Variants in FOXRED1 observed in about 807,000 individuals in gnomAD.
FOXRED1 encodes FAD dependent oxidoreductase domain containing 1.
In FOXRED1, 52 loss-of-function variants were observed where a neutral mutation model predicts 57.8. The observed-to-expected ratio is 0.90, with a 90% CI of 0.72 to 1.13. FOXRED1 has a LOEUF of 1.13. FOXRED1 is among the 50% of genes most tolerant of loss of function. The pLI is 0.00. For missense variants in FOXRED1, 589 were observed against 625.2 expected (o/e 0.94, Z 0.62); for synonymous variants, 271 against 248.3 (o/e 1.09, Z -0.86).
In FOXRED1 at chr11:126,275,367, C is replaced by T; in HGVS notation, c.672C>T (p.Leu224=). ...GTTGGTTTGACCCCTGGTGTCTGCTCCAGGGGCTTCGGCGAAAGGTCCAGT... is the reference window on the plus strand; with the variant it reads ...GTTGGTTTGACCCCTGGTGTCTGCTTCAGGGGCTTCGGCGAAAGGTCCAGT... ...DEGWFDPWCL[L]QGLRRKVQSL... is the part of the protein sequence containing the mutation. Residue 224 remains leucine (L), a synonymous_variant, in exon 6 of 11, where the codon CTC becomes CTT. Transcript: ENST00000263578. This position sits in a 1 kb window ranked among gnomAD's most constrained non-coding sequence, Gnocchi z 5.9. The T allele has an allele frequency of 1.9e-6, 3 of 1,613,980 alleles. No individual in the cohort carries two copies. Among genetic ancestry groups the T allele is most frequent in the Non-Finnish European group, 2.5e-6 (3 of 1,179,924 alleles).
rs1398488660 is a variant in FOXRED1, at chr11:126,275,488, TCTCA to T, written c.733+66_733+69del. 8.2e-7 allele frequency: 1 copy of T among 1,216,132 alleles called. No homozygotes were observed. The highest frequency in any genetic ancestry group is 1.2e-6 in the Non-Finnish European group (1 of 817,122). 75.3% of individuals were successfully genotyped at this position (1,216,132 alleles called of 1,614,324 possible). ...CATAGGCCTAGACTAGGTCTTATCT[TCTCA>T]CTCACAAGCTAAGCAAGGGCTGGAG... is the stretch of plus-strand genomic sequence containing the variant. On this transcript the variant is annotated intron_variant, in intron 6 of 10. Transcript: ENST00000263578. This position sits in a 1 kb window ranked among gnomAD's most constrained non-coding sequence, Gnocchi z 5.9.
chr11:126,273,121 C>A lies in FOXRED1; in HGVS notation c.417+42C>A, dbSNP rs774342140. The A allele has an allele frequency of 1.2e-5, 15 of 1,205,256 alleles. No individual in the cohort carries two copies. The highest frequency in any genetic ancestry group is 1.5e-5 in the African/African-American group (1 of 67,116). 74.7% of individuals were successfully genotyped at this position (1,205,256 alleles called of 1,614,324 possible). A position where few individuals can be genotyped will look rare whatever the true frequency, so the allele number is the denominator to read the frequency against. Reference sequence around the variant, plus strand: ...CCGGGATGTTGGGGTGGTTACCCCTCCTTTAGCCCAGAGTGGGGAGCAGCC... The same window carrying A: ...CCGGGATGTTGGGGTGGTTACCCCTACTTTAGCCCAGAGTGGGGAGCAGCC... On this transcript the variant is annotated intron_variant, in intron 3 of 10. Transcript: ENST00000263578. This position sits in a 1 kb window ranked among gnomAD's most constrained non-coding sequence, Gnocchi z 5.9.
Position 126,269,198 on chromosome 11 carries a change from A to G in FOXRED1, c.-9A>G, listed in dbSNP as rs368336673. The G allele has an allele frequency of 5.0e-6, 8 of 1,607,730 alleles. No individual in the cohort carries two copies. In the African/African-American group the frequency reaches 9.4e-5, roughly 19 times the overall value. On this transcript the variant is annotated 5_prime_UTR_variant, in exon 1 of 11. Transcript: ENST00000263578. ...TGCAGCTTTCAGAGGGTCCGGGCTC[A>G]GAGGGGTTATGATTCGGAGGGTTCT...
chr11:126,270,254 A>G (rs1264242331), intron 1 of FOXRED1, among the ~76,000 whole-genome samples: 1 of 152,236 alleles, frequency 6.6e-6, no homozygotes, highest in African/African-American at 2.4e-5. Flanking sequence ...TGGACAGGTA[A>G]GCTAAGGCCA....
At position 126,272,980 on chromosome 11, in the gene FOXRED1, C is replaced by T. The variant is rs1951030849; in HGVS notation, c.318C>T (p.Ala106=). The change falls in exon 3 of 11, where the codon GCC becomes GCT. Residue 106 remains alanine, a synonymous_variant. Coordinates refer to ENST00000263578, the MANE Select transcript of FOXRED1 (RefSeq NM_017547.4). This position sits in a 1 kb window ranked among gnomAD's most constrained non-coding sequence, Gnocchi z 4.6. ...TTGTCTTTCCACAGTATTCACAGGC[C>T]TCCACTGGGCTCTCAGTAGGTGGGA... ...VVERDHTYSQ[A]STGLSVGGIC... 1 of 1,567,090 alleles carries T rather than the reference C, an allele frequency of 6.4e-7. No homozygotes were observed. The highest frequency in any genetic ancestry group is 8.8e-7 in the Non-Finnish European group (1 of 1,136,930).
intron 1 of FOXRED1, chr11:126,269,553 G>GC: frequency 1.5e-6 from 1 of 669,088 alleles, no homozygotes; most frequent in Non-Finnish European, 2.7e-6. Context: ...GCACAGATGT[G>GC]CATTAAGTCC....
rs1303679598 is a variant in FOXRED1 at position 126,277,674 on chromosome 11, GAAC to G, written c.1451_1453del (p.Asn484del). 1.9e-6 allele frequency: 3 copies of G among 1,613,614 alleles called. No homozygotes were observed. In the East Asian group the frequency reaches 6.7e-5, roughly 36 times the overall value. ...TTTACTTGGGAGAGAAGATCCAGGA[GAAC>G]AACATCATCTGAGCATGTGTGCTCT... On this transcript the variant is annotated inframe_deletion, in exon 11 of 11. Coordinates refer to ENST00000263578, the MANE Select transcript of FOXRED1 (RefSeq NM_017547.4). The surrounding 1 kb of genome is among the most constrained non-coding windows in gnomAD (Gnocchi z 6.8).
rs771818339 is a variant in FOXRED1, at chr11:126,269,184, G to A, written c.-23G>A. ...TAGCGAGGCAGCAGTGCAGCTTTCAGAGGGTCCGGGCTCAGAGGGGTTATG... is the reference window on the plus strand; with the variant it reads ...TAGCGAGGCAGCAGTGCAGCTTTCAAAGGGTCCGGGCTCAGAGGGGTTATG... On this transcript the variant is annotated 5_prime_UTR_variant, in exon 1 of 11. Transcript: ENST00000263578. 13 of 1,582,266 alleles carry A rather than the reference G, an allele frequency of 8.2e-6. No homozygotes were observed. The highest frequency in any genetic ancestry group is 1.3e-5 in the African/African-American group (1 of 74,498).
Position 126,276,152 on chromosome 11 carries a change from G to C in FOXRED1, c.904G>C (p.Ala302Pro). The C allele has an allele frequency of 6.2e-7, 1 of 1,611,700 alleles. No individual in the cohort carries two copies. The highest frequency in any genetic ancestry group is 8.5e-7 in the Non-Finnish European group (1 of 1,179,576). ...GAWSAQIAAL[A>P]GVGEGPPGTL... ...CTGGTCTGCGCAAATCGCAGCACTG[G>C]CTGGTGTTGGAGAGGGGCCGCCTGG... Residue 302 changes from alanine (A) to proline (P), a missense_variant, in exon 8 of 11, where the codon GCT becomes CCT. Physicochemically the swap from Ala to Pro is conservative, Grantham distance 27. Transcript: ENST00000263578.
chr11:126,275,880 T>A lies in FOXRED1; in HGVS notation c.810+10T>A. 1 of 1,597,988 alleles carries A rather than the reference T, an allele frequency of 6.3e-7. No individual in the cohort carries two copies. The highest frequency in any genetic ancestry group is 8.6e-7 in the Non-Finnish European group (1 of 1,165,396). On this transcript the variant is annotated intron_variant, in intron 7 of 10. Transcript: ENST00000263578. The surrounding 1 kb of genome is among the most constrained non-coding windows in gnomAD (Gnocchi z 5.9). ...GATCCATGAAGTCCATGTAAGTTTC[T>A]AGTCTGTGATGTCCTTTACCAAAAT...
Position 126,277,848 on chromosome 11 carries a change from C to A in FOXRED1, c.*159C>A. The A allele has an allele frequency of 1.2e-6, 1 of 804,884 alleles. No individual in the cohort carries two copies. Among genetic ancestry groups the A allele is most frequent in the Non-Finnish European group, 2.1e-6 (1 of 472,410 alleles). The allele number at this position is 804,884 out of a possible 1,614,324, so 49.9% of individuals were successfully genotyped here. A position where few individuals can be genotyped will look rare whatever the true frequency, so the allele number is the denominator to read the frequency against. On this transcript the variant is annotated 3_prime_UTR_variant, in exon 11 of 11. Coordinates refer to ENST00000263578, the MANE Select transcript of FOXRED1 (RefSeq NM_017547.4). The surrounding 1 kb of genome is among the most constrained non-coding windows in gnomAD (Gnocchi z 6.8). Reference sequence around the variant, plus strand: ...CATTGCACCCATATGGCTGGGCAGGCACAGGCAGTGAGGCCGAGGCCAATA... The same window carrying A: ...CATTGCACCCATATGGCTGGGCAGGAACAGGCAGTGAGGCCGAGGCCAATA...
In FOXRED1 at chr11:126,277,875, C is replaced by G. The variant is rs777846053; in HGVS notation, c.*186C>G. 8 of 713,488 alleles carry G rather than the reference C, an allele frequency of 1.1e-5. No individual in the cohort carries two copies. In the East Asian group the frequency reaches 2.1e-4, roughly 19 times the overall value. 44.2% of individuals were successfully genotyped at this position (713,488 alleles called of 1,614,324 possible). A position where few individuals can be genotyped will look rare whatever the true frequency, so the allele number is the denominator to read the frequency against. On this transcript the variant is annotated 3_prime_UTR_variant, in exon 11 of 11. Coordinates refer to ENST00000263578, the MANE Select transcript of FOXRED1 (RefSeq NM_017547.4). The surrounding 1 kb of genome is among the most constrained non-coding windows in gnomAD (Gnocchi z 6.8). Reference sequence around the variant, plus strand: ...CAGGCAGTGAGGCCGAGGCCAATAGCGAGTGATGAGCGGGATCCTAGGACT... The same window carrying G: ...CAGGCAGTGAGGCCGAGGCCAATAGGGAGTGATGAGCGGGATCCTAGGACT...
chr11:126,271,890 G>C lies in FOXRED1; in HGVS notation c.306+233G>C. 1 of 524,114 alleles carries C rather than the reference G, an allele frequency of 1.9e-6. No individual in the cohort carries two copies. The highest frequency in any genetic ancestry group is 3.5e-6 in the Non-Finnish European group (1 of 287,150). 32.5% of individuals were successfully genotyped at this position (524,114 alleles called of 1,614,324 possible). A position where few individuals can be genotyped will look rare whatever the true frequency, so the allele number is the denominator to read the frequency against. On this transcript the variant is annotated intron_variant, in intron 2 of 10. Coordinates refer to ENST00000263578, the MANE Select transcript of FOXRED1 (RefSeq NM_017547.4). The surrounding 1 kb of genome is among the most constrained non-coding windows in gnomAD (Gnocchi z 5.3). ...TTTGAAAGCAGATATCACCATATTG[G>C]ATTTTTCGAGATCTCATAGCTCTGG...
intron 1 of FOXRED1, 128 bp downstream of exon 1, chr11:126,269,419 A>G: frequency 6.4e-7 from 1 of 1,557,768 alleles, no homozygotes; most frequent in Non-Finnish European, 8.7e-7. Context: ...GAAGGGGGTT[A>G]GCTTACCTAC....
chr11:126,270,425 A>G (rs1247300373), intron 1 of FOXRED1, among the ~76,000 whole-genome samples: 1 of 152,196 alleles, frequency 6.6e-6, no homozygotes, highest in Non-Finnish European at 1.5e-5. Flanking sequence ...CTCCCCCCTC[A>G]TGGATTTTAG....
Position 126,272,389 on chromosome 11 carries a change from C to T in FOXRED1, c.307-580C>T, listed in dbSNP as rs1296700503. ...TACGGTATAACCTCCACCTCCCAGG[C>T]TCAAGTGGTCCTCCCACCTTAGCCT... On this transcript the variant is annotated intron_variant, in intron 2 of 10. Coordinates refer to ENST00000263578, the MANE Select transcript of FOXRED1 (RefSeq NM_017547.4). The surrounding 1 kb of genome is among the most constrained non-coding windows in gnomAD (Gnocchi z 4.6). 5.4e-6 allele frequency: 1 copy of T among 183,732 alleles called. No individual in the cohort carries two copies. The highest frequency in any genetic ancestry group is 1.1e-4 in the South Asian group (1 of 9,172). 11.4% of individuals were successfully genotyped at this position (183,732 alleles called of 1,614,324 possible).
chr11:126,272,967 A>T lies in FOXRED1; in HGVS notation c.307-2A>T. 1.4e-6 allele frequency: 2 copies of T among 1,478,748 alleles called. No homozygotes were observed. The highest frequency in any genetic ancestry group is 1.9e-6 in the Non-Finnish European group (2 of 1,056,224). 91.6% of individuals were successfully genotyped at this position (1,478,748 alleles called of 1,614,324 possible). ...ACCTCAACTTTTCTTGTCTTTCCAC[A>T]GTATTCACAGGCCTCCACTGGGCTC... On this transcript the variant is annotated splice_acceptor_variant, in intron 2 of 10. Transcript: ENST00000263578. LOFTEE classifies it high-confidence loss of function. The surrounding 1 kb of genome is among the most constrained non-coding windows in gnomAD (Gnocchi z 4.6).
At position 126,273,330 on chromosome 11, in the gene FOXRED1, A is replaced by G. The variant is rs778707231; in HGVS notation, c.418-6A>G. 1 of 1,599,326 alleles carries G rather than the reference A, an allele frequency of 6.3e-7. No individual in the cohort carries two copies. The highest frequency in any genetic ancestry group is 2.2e-5 in the East Asian group (1 of 44,800). On this transcript the variant is annotated splice_region_variant and splice_polypyrimidine_tract_variant and intron_variant, in intron 3 of 10. Coordinates refer to ENST00000263578, the MANE Select transcript of FOXRED1 (RefSeq NM_017547.4). The surrounding 1 kb of genome is among the most constrained non-coding windows in gnomAD (Gnocchi z 5.9). ...GTTTCTTTCAGGAGCTTCTGTCTGCACACAGGAGTACCTGGCCGTAGTCGA... is the reference window on the plus strand; with the variant it reads ...GTTTCTTTCAGGAGCTTCTGTCTGCGCACAGGAGTACCTGGCCGTAGTCGA...
chr11:126,276,514 C>T lies in FOXRED1; in HGVS notation c.1092C>T (p.Ser364=), dbSNP rs772784412. 6.2e-7 allele frequency: 1 copy of T among 1,606,438 alleles called. No homozygotes were observed. The highest frequency in any genetic ancestry group is 2.2e-5 in the East Asian group (1 of 44,522). ...GLGSNYLGGR[S]PTEQEEPDPA... ...GTAGCAACTACCTAGGTGGTCGTAG[C>T]CCCACTGAGGTAAGCTGAGTGGGGT... The change falls in exon 9 of 11, where the codon AGC becomes AGT. Residue 364 remains serine (S), a synonymous_variant. Transcript: ENST00000263578.
Sources: allele counts gnomAD v4.1 joint callset (sites outside exome capture counted in the v4.1 genomes callset), GRCh38; gene constraint gnomAD v4.1.1; non-coding constraint Gnocchi (gnomAD v3.1); transcripts MANE v1.5; gene names NCBI Gene and HGNC (gene_info 2026-07-23, HGNC 2026-07-21).